UBL3: variants seen among roughly 807,000 people sequenced by gnomAD.
UBL3 encodes the protein ubiquitin-like protein 3.
UBL3 carries 6 observed loss-of-function variants against 18.4 expected under a neutral mutation model. The ratio of observed to expected loss-of-function variants is 0.33; its 90% CI spans 0.18 to 0.64. The LOEUF (loss-of-function observed/expected upper bound fraction) is 0.64. UBL3 is among the 30% of genes least tolerant of loss of function. The pLI, the probability that UBL3 is intolerant of heterozygous loss-of-function variation, is 0.76. For missense variants in UBL3, 109 were observed against 142.9 expected, an observed-to-expected ratio of 0.76 and a Z score of 1.21; for synonymous variants, 49 against 46.6, an observed-to-expected ratio of 1.05 and a Z score of -0.21.
At chr13:29,808,557 T>C (rs1877954650) in intron 1 of UBL3, among the ~76,000 whole-genome samples, 1 of 152,182 alleles carries the variant, frequency 6.6e-6, no homozygotes, top group Non-Finnish European at 1.5e-5. Flanking sequence ...AATACCATTA[T>C]CACCAACATC....
intron 3 of UBL3, among the ~76,000 whole-genome samples, chr13:29,770,466 AAATC>A (rs1876812189): frequency 6.6e-6 from 1 of 152,112 alleles, no homozygotes; most frequent in African/African-American, 2.4e-5. Flanking sequence ...TAGTGGGAAT[AAATC>A]AATAGTTTTG....
chr13:29,774,092 T>C (rs988477134), intron 2 of UBL3, among the ~76,000 whole-genome samples: 9 of 152,148 alleles, frequency 5.9e-5, no homozygotes, highest in East Asian at 3.8e-4. Context: ...CTGAGTAGAT[T>C]TGGCAACCTG....
chr13:29,805,460 T>C (rs976837259), intron 1 of UBL3, among the ~76,000 whole-genome samples: 9 of 152,234 alleles, frequency 5.9e-5, no homozygotes, highest in Non-Finnish European at 1.3e-4. Flanking sequence ...GTCTGTCCTC[T>C]GGGATGAAAG....
intron 1 of UBL3, among the ~76,000 whole-genome samples, chr13:29,828,566 T>G (rs1878685317): frequency 6.6e-6 from 1 of 152,208 alleles, no homozygotes; most frequent in Non-Finnish European, 1.5e-5. Context: ...TTATTCTAGT[T>G]AGCCATTCGT....
intron 1 of UBL3, among the ~76,000 whole-genome samples, chr13:29,832,187 A>G (rs1747058): frequency 0.029 from 4,483 of 152,272 alleles, 130 homozygotes; most frequent in African/African-American, 0.062. Context: ...GAGTAAGTAC[A>G]TAGTCTGTTT....
In UBL3 at chr13:29,766,018, T is replaced by A. The variant is rs1033213310; in HGVS notation, c.*1237A>T. 6.6e-5 allele frequency: 10 copies of A among 152,584 alleles called. No homozygotes were observed. Among genetic ancestry groups the A allele is most frequent in the Admixed American group, 2.6e-4 (4 of 15,274 alleles). The allele number at this position is 152,584 out of a possible 1,614,324, so 9.5% of individuals were successfully genotyped here. On this transcript the variant is annotated 3_prime_UTR_variant, in exon 5 of 5. Transcript: ENST00000380680. Reference sequence around the variant, plus strand: ...GTTAGGTATTTTATAAGTCTTTTATTAAATATATTCTACACATATTTGTAA... The same window carrying A: ...GTTAGGTATTTTATAAGTCTTTTATAAAATATATTCTACACATATTTGTAA...
intron 1 of UBL3, among the ~76,000 whole-genome samples, chr13:29,823,252 C>A (rs1456065895): frequency 6.6e-6 from 1 of 152,188 alleles, no homozygotes; most frequent in Non-Finnish European, 1.5e-5. Context: ...AAGCGATTCT[C>A]CTGCCTCAGC....
At chr13:29,767,816 T>A in intron 3 of UBL3, 121 bp from the exon 4 acceptor site, 1 of 671,284 alleles carries the variant, frequency 1.5e-6, no homozygotes, top group Non-Finnish European at 2.4e-6. Context: ...AGATTCAACT[T>A]AACTCAGAGT....
At chr13:29,802,426 T>C (rs940553296) in intron 1 of UBL3, among the ~76,000 whole-genome samples, 6 of 152,166 alleles carry the variant, frequency 3.9e-5, no homozygotes, top group African/African-American at 1.4e-4. Context: ...TCTTCTTTCT[T>C]CCAAATGACC....
chr13:29,842,658 A>G (rs1242700021), intron 1 of UBL3, among the ~76,000 whole-genome samples: 2 of 152,222 alleles, frequency 1.3e-5, no homozygotes, highest in Non-Finnish European at 1.5e-5. Flanking sequence ...ATAATGTAAA[A>G]TGCCAAGCAT....
chr13:29,800,660 C>CCA (rs1877736462), intron 1 of UBL3, among the ~76,000 whole-genome samples: 1 of 152,082 alleles, frequency 6.6e-6, no homozygotes, highest in Non-Finnish European at 1.5e-5. Context: ...TATTATGCAG[C>CCA]CATAAAAATT....
In UBL3 at chr13:29,767,228, T is replaced by C. The variant is rs371952799; in HGVS notation, c.*27A>G. On this transcript the variant is annotated 3_prime_UTR_variant, in exon 5 of 5. Transcript: ENST00000380680. ...CCAGCAGCATGAAAGACAAAGACTA[T>C]ATCACATCACACTAGGCAGACAGTG... is the stretch of plus-strand genomic sequence containing the variant. 1.9e-6 allele frequency: 3 copies of C among 1,612,130 alleles called. No individual in the cohort carries two copies. Among genetic ancestry groups the C allele is most frequent in the East Asian group, 2.2e-5 (1 of 44,836 alleles).
intron 1 of UBL3, among the ~76,000 whole-genome samples, chr13:29,789,646 G>A (rs1335359319): frequency 1.3e-5 from 2 of 152,214 alleles, no homozygotes; most frequent in Non-Finnish European, 2.9e-5. Context: ...AGCCACCTCA[G>A]CAGGCAATGG....
rs753495207 is a variant in UBL3, at chr13:29,777,449, T to C, written c.28-186A>G. The C allele has an allele frequency of 1.6e-5, 11 of 686,230 alleles. No individual in the cohort carries two copies. The African/African-American group carries it at 2.0e-4, about 12-fold the overall frequency. The allele number at this position is 686,230 out of a possible 1,614,324, so 42.5% of individuals were successfully genotyped here. A position where few individuals can be genotyped will look rare whatever the true frequency, so the allele number is the denominator to read the frequency against. ...TTTGATATTTGATTTTATTTCCTAT[T>C]ATTTAAAGGGTGTGTGTGTGTGTCA... On this transcript the variant is annotated intron_variant, in intron 1 of 4. Coordinates refer to ENST00000380680, the MANE Select transcript of UBL3 (RefSeq NM_007106.4).
chr13:29,841,104 C>T (rs1048038063), intron 1 of UBL3, among the ~76,000 whole-genome samples: 1 of 151,940 alleles, frequency 6.6e-6, no homozygotes, highest in Non-Finnish European at 1.5e-5. Context: ...CAATAAATTG[C>T]CATCTTAAGT....
At chr13:29,797,821 T>C (rs537700561) in intron 1 of UBL3, among the ~76,000 whole-genome samples, 29 of 152,280 alleles carry the variant, frequency 1.9e-4, no homozygotes, top group African/African-American at 6.5e-4. Flanking sequence ...CTTCTATTAA[T>C]ACATGAAATC....
intron 1 of UBL3, among the ~76,000 whole-genome samples, chr13:29,784,417 CT>C (rs5802530): frequency 0.97 from 147,747 of 152,222 alleles, 71,767 homozygotes; most frequent in Non-Finnish European, 1. Context: ...TTGGGATACT[CT>C]TACTTCACAT....
chr13:29,807,135 C>T (rs2139337735), intron 1 of UBL3, among the ~76,000 whole-genome samples: 1 of 152,064 alleles, frequency 6.6e-6, no homozygotes, highest in African/African-American at 2.4e-5. Context: ...CCACAGAGAC[C>T]CAACTATTGT....
intron 1 of UBL3, among the ~76,000 whole-genome samples, chr13:29,822,885 G>C (rs1878500788): frequency 6.6e-6 from 1 of 152,030 alleles, no homozygotes; most frequent in Admixed American, 6.6e-5. Flanking sequence ...CCCCAAATTA[G>C]AACATTTCAA....
Sources: allele counts gnomAD v4.1 joint callset (sites outside exome capture counted in the v4.1 genomes callset), GRCh38; gene constraint gnomAD v4.1.1; transcripts MANE v1.5; gene names NCBI Gene and HGNC (gene_info 2026-07-23, HGNC 2026-07-21).